ADARB1: variants seen among roughly 807,000 people sequenced by gnomAD.
ADARB1 encodes the protein double-stranded RNA-specific editase 1.
ADARB1 carries 10 observed loss-of-function variants against 52.4 expected under a neutral mutation model. The observed-to-expected ratio is 0.19, with a 90% CI of 0.12 to 0.32. The LOEUF is 0.32. Among genes scored for constraint, ADARB1 ranks in the 10% least tolerant of loss-of-function variants. The probability of loss-of-function intolerance (pLI) is 1.00; values close to 1 mark genes in which losing one functional copy is unlikely to be tolerated. For missense variants in ADARB1, 643 were observed against 922.3 expected, an observed-to-expected ratio of 0.70 and a Z score of 3.92; for synonymous variants, 349 against 371.1, an observed-to-expected ratio of 0.94 and a Z score of 0.68.
intron 7 of ADARB1, 66 bp from the exon 8 acceptor site, chr21:45,184,857 G>A: frequency 6.8e-7 from 1 of 1,467,910 alleles, no homozygotes; most frequent in African/African-American, 1.4e-5. Flanking sequence ...ATTGTTAGAT[G>A]TGCTTTTCAA....
intron 2 of ADARB1, among the ~76,000 whole-genome samples, chr21:45,165,557 G>C (rs1371556402): frequency 2.0e-5 from 3 of 152,106 alleles, no homozygotes; most frequent in Non-Finnish European, 2.9e-5. Context: ...GAATATTTTG[G>C]AACACTTCAG....
In ADARB1 at chr21:45,107,064, G is replaced by T. The variant is rs779727190; in HGVS notation, c.-219-21338G>T. 2.6e-5 allele frequency among the ~76,000 whole-genome samples: 4 copies of T among 152,154 alleles called. No individual in the cohort carries two copies. The East Asian group carries it at 7.7e-4, about 29-fold the overall frequency. ...AGAAATACAAAATTAATATGCAAAC[G>T]TCAATGTTATTCATATATACAAAAA... is the stretch of plus-strand genomic sequence containing the variant. On this transcript the variant is annotated intron_variant, in intron 1 of 10. Coordinates refer to ENST00000348831, the MANE Select transcript of ADARB1 (RefSeq NM_001112.4).
At chr21:45,181,737 T>C (rs1164404382) in intron 5 of ADARB1, among the ~76,000 whole-genome samples, 1 of 152,246 alleles carries the variant, frequency 6.6e-6, no homozygotes, top group Non-Finnish European at 1.5e-5. Flanking sequence ...GCTGGAGCAC[T>C]TGGCACTCCA....
At chr21:45,219,646 G>A (rs1283122920) in intron 9 of ADARB1, among the ~76,000 whole-genome samples, 3 of 152,260 alleles carry the variant, frequency 2.0e-5, no homozygotes, top group African/African-American at 7.2e-5. Flanking sequence ...GAAACAAAAA[G>A]AAGTCAGAAG....
chr21:45,207,861 A>T (rs2146370576), intron 9 of ADARB1, among the ~76,000 whole-genome samples: 1 of 152,388 alleles, frequency 6.6e-6, no homozygotes, highest in Middle Eastern at 3.4e-3. Context: ...GAGCAAATCA[A>T]AGTAAAAATG....
At chr21:45,097,437 A>ATT (rs111570359) in intron 1 of ADARB1, among the ~76,000 whole-genome samples, 5 of 141,976 alleles carry the variant, frequency 3.5e-5, no homozygotes, top group Non-Finnish European at 3.1e-5. Context: ...GAGAATCATG[A>ATT]TTTTTTTTTT....
intron 1 of ADARB1, among the ~76,000 whole-genome samples, chr21:45,105,629 A>G (rs188251833): frequency 1.3e-5 from 2 of 152,392 alleles, no homozygotes; most frequent in African/African-American, 4.8e-5. Flanking sequence ...TTTGAACACT[A>G]AAGCTAAAAG....
chr21:45,189,290 A>G (rs1569142975), intron 8 of ADARB1, among the ~76,000 whole-genome samples: 1 of 152,094 alleles, frequency 6.6e-6, no homozygotes, highest in Non-Finnish European at 1.5e-5. Flanking sequence ...CATTGCAATT[A>G]CATAAGACAT....
chr21:45,219,890 A>G (rs2092931474), intron 9 of ADARB1, among the ~76,000 whole-genome samples: 1 of 151,984 alleles, frequency 6.6e-6, no homozygotes, highest in African/African-American at 2.4e-5. Flanking sequence ...TGTGAACCCA[A>G]CAAGCAAAAC....
At chr21:45,147,035 CAG>C (rs2090045044) in intron 2 of ADARB1, among the ~76,000 whole-genome samples, 2 of 152,234 alleles carry the variant, frequency 1.3e-5, no homozygotes, top group Admixed American at 6.5e-5. Context: ...AGCCCCTCCT[CAG>C]GGGTCACGGC....
At chr21:45,077,769 T>TA (rs35161518) in intron 1 of ADARB1, among the ~76,000 whole-genome samples, 58 of 151,694 alleles carry the variant, frequency 3.8e-4, no homozygotes, top group East Asian at 2.1e-3. Context: ...GAAATGGTGT[T>TA]AAAAAAAAAC....
intron 8 of ADARB1, among the ~76,000 whole-genome samples, chr21:45,189,193 T>TTC (rs2092209428): frequency 6.6e-6 from 1 of 152,168 alleles, no homozygotes; most frequent in African/African-American, 2.4e-5. Flanking sequence ...GGATTCTCAT[T>TTC]TATTTTATTT....
At chr21:45,218,775 C>T (rs1444280435) in intron 9 of ADARB1, among the ~76,000 whole-genome samples, 2 of 152,138 alleles carry the variant, frequency 1.3e-5, no homozygotes, top group African/African-American at 4.8e-5. Context: ...CCACAGGGCA[C>T]GAAGTGAGTT....
chr21:45,162,750 T>A (rs543803555), intron 2 of ADARB1, among the ~76,000 whole-genome samples: 2 of 152,178 alleles, frequency 1.3e-5, no homozygotes, highest in South Asian at 4.1e-4. Flanking sequence ...CACCAGGGCT[T>A]GCTCCGCCTA....
At chr21:45,210,124 C>T (rs1014746721) in intron 9 of ADARB1, among the ~76,000 whole-genome samples, 10 of 152,222 alleles carry the variant, frequency 6.6e-5, no homozygotes, top group African/African-American at 2.2e-4. Flanking sequence ...CCATTTGGGG[C>T]TCGTCATCTC....
chr21:45,171,548 GACTT>G, intron 2 of ADARB1, 58 bp from the exon 3 acceptor site: 1 of 1,007,738 alleles, frequency 9.9e-7, no homozygotes. Flanking sequence ...CCTTAGAGTA[GACTT>G]ACTTCATATT....
intron 7 of ADARB1, chr21:45,184,611 TG>T: frequency 3.1e-6 from 1 of 322,314 alleles, no homozygotes; most frequent in South Asian, 2.5e-5. Flanking sequence ...CCACTATACC[TG>T]GCTAATTTTT....
In ADARB1 at chr21:45,138,125, A is replaced by G. The variant is rs1239284185; in HGVS notation, c.-48+9552A>G. Among the ~76,000 whole-genome samples, 5 of 152,238 alleles carry G rather than the reference A, an allele frequency of 3.3e-5. No individual in the cohort carries two copies. In the East Asian group the frequency reaches 9.6e-4, roughly 29 times the overall value. ...ATATTAATTAGTATTAGGATTGGCTATAAGTGACAGAGATGCAACATAATA... is the reference window on the plus strand; with the variant it reads ...ATATTAATTAGTATTAGGATTGGCTGTAAGTGACAGAGATGCAACATAATA... On this transcript the variant is annotated intron_variant, in intron 2 of 10. Transcript: ENST00000348831.
At position 45,208,690 on chromosome 21, in the gene ADARB1, A is replaced by C. The variant is rs1372273931; in HGVS notation, c.1747+3954A>C. 6.6e-6 allele frequency among the ~76,000 whole-genome samples: 1 copy of C among 151,526 alleles called. No individual in the cohort carries two copies. Among genetic ancestry groups the C allele is most frequent in the Non-Finnish European group, 1.5e-5 (1 of 67,816 alleles). On this transcript the variant is annotated intron_variant, in intron 9 of 10. Transcript: ENST00000348831. The surrounding 1 kb of genome is among the most constrained non-coding windows in gnomAD (Gnocchi z 5.6). ...TGCGTGTGTGTATGAGTGTGTGTGC[A>C]TGTGTGTGTGCACGCTCACATGAGT...
Sources: allele counts gnomAD v4.1 joint callset (sites outside exome capture counted in the v4.1 genomes callset), GRCh38; gene constraint gnomAD v4.1.1; non-coding constraint Gnocchi (gnomAD v3.1); transcripts MANE v1.5; gene names NCBI Gene and HGNC (gene_info 2026-07-23, HGNC 2026-07-21).